The following PLIN4 variants were observed in gnomAD, a reference collection of about 807,000 sequenced individuals.
PLIN4 encodes perilipin 4.
A neutral mutation model predicts 52.4 loss-of-function variants in PLIN4; 57 were observed. That is an observed-to-expected ratio of 1.09 (90% CI 0.88 to 1.36). PLIN4 has a LOEUF of 1.36. Among genes scored for constraint, PLIN4 ranks in the 40% most tolerant of loss-of-function variants. The pLI is 0.00. For missense variants in PLIN4, 1,757 were observed against 1,770.3 expected, an observed-to-expected ratio of 0.99 and a Z score of 0.13; for synonymous variants, 826 against 785.4, an observed-to-expected ratio of 1.05 and a Z score of -0.86.
At chr19:4,508,567 T>C (rs1253661410) in intron 6 of PLIN4, among the ~76,000 whole-genome samples, 1 of 152,168 alleles carries the variant, frequency 6.6e-6, no homozygotes, top group African/African-American at 2.4e-5. Context: ...GCACCCAGCC[T>C]ACCCGCTGTC....
Position 4,510,815 on chromosome 19 carries a change from G to A in PLIN4, c.3145C>T (p.Leu1049Phe), listed in dbSNP as rs764910211. The change falls in exon 5 of 8, where the codon CTC becomes TTC. Residue 1049 changes from leucine (L) to phenylalanine (F), a missense_variant. Leu to Phe is a conservative substitution (Grantham distance 22, BLOSUM62 0). Coordinates refer to ENST00000301286, the MANE Select transcript of PLIN4 (RefSeq NM_001367868.2). ...NVATGATHTG[L>F]STFQNWLPST... ...GGTAACCAGTTCTGGAAGGTGCTGA[G>A]GCCAGTGTGGGTGGCCCCTGTCGCC... The A allele has an allele frequency of 6.2e-7, 1 of 1,610,126 alleles. No individual in the cohort carries two copies. Among genetic ancestry groups the A allele is most frequent in the Non-Finnish European group, 8.5e-7 (1 of 1,177,290 alleles).
Position 4,508,923 on chromosome 19 carries a change from C to T in PLIN4, c.3547G>A (p.Val1183Met). The change falls in exon 6 of 8, where the codon GTG (valine) becomes ATG (methionine). Residue 1183 changes from valine to methionine, a missense_variant. Coordinates refer to ENST00000301286, the MANE Select transcript of PLIN4 (RefSeq NM_001367868.2). ...TAGCTCCCCTGTTCCGCCGACAGCA[C>T]CTTTGGCCCAGGCTGGGAGGCAGCC... is the stretch of plus-strand genomic sequence containing the variant. The part of the protein sequence containing the change: ...QLAASQPGPK[V>M]LSAEQGSYFV... 6.2e-7 allele frequency: 1 copy of T among 1,612,714 alleles called. No individual in the cohort carries two copies.
Position 4,513,341 on chromosome 19 carries a change from T to C in PLIN4, c.619A>G (p.Thr207Ala). The part of the protein sequence containing the change: ...VLTGTKDTVT[T>A]GVMGAVNLAK... ...AAGTTCACTGCCCCCATGACCCCAGTAGTCACTGTGTCTTTGGTGCCGGTC... is the reference window on the plus strand; with the variant it reads ...AAGTTCACTGCCCCCATGACCCCAGCAGTCACTGTGTCTTTGGTGCCGGTC... The change falls in exon 5 of 8, where the codon ACT becomes GCT. Residue 207 changes from threonine to alanine, a missense_variant. Transcript: ENST00000301286. 1.2e-6 allele frequency: 2 copies of C among 1,613,556 alleles called. No individual in the cohort carries two copies. Among genetic ancestry groups the C allele is most frequent in the Non-Finnish European group, 1.7e-6 (2 of 1,179,832 alleles).
At position 4,512,175 on chromosome 19, in the gene PLIN4, G is replaced by A. The variant is rs201238024; in HGVS notation, c.1785C>T (p.Thr595=). 5.0e-5 allele frequency: 80 copies of A among 1,608,956 alleles called. 1 individual carries two copies. The highest frequency in any genetic ancestry group is 6.1e-5 in the Non-Finnish European group (72 of 1,178,722). Residue 595 remains threonine, a synonymous_variant, in exon 5 of 8, where the codon ACC becomes ACT. Transcript: ENST00000301286. Reference sequence around the variant, plus strand: ...CAGTAGTCACTGTGTCCTTGGTGCCGGTCAGCACGGTCTTGGCTGTGTCTA... The same window carrying A: ...CAGTAGTCACTGTGTCCTTGGTGCCAGTCAGCACGGTCTTGGCTGTGTCTA... ...TGVDTAKTVL[T]GTKDTVTTGL...
In PLIN4 at chr19:4,508,908, G is replaced by A; in HGVS notation, c.3562C>T (p.Gln1188Ter). ...QPGPKVLSAEQGSYFVRLGDL... is the reference protein window; with the variant it reads ...QPGPKVLSAE ...CCTAAACGAACGAAGTAGCTCCCCT[G>A]TTCCGCCGACAGCACCTTTGGCCCA... Residue 1188 changes from glutamine (Q) to a stop codon, truncating the protein, a stop_gained, in exon 6 of 8, where the codon CAG becomes TAG. Transcript: ENST00000301286. LOFTEE classifies it high-confidence loss of function. The A allele has an allele frequency of 6.2e-7, 1 of 1,613,024 alleles. No individual in the cohort carries two copies. The highest frequency in any genetic ancestry group is 8.5e-7 in the Non-Finnish European group (1 of 1,179,808).
At chr19:4,515,620 G>A (rs558992510) in intron 4 of PLIN4, among the ~76,000 whole-genome samples, 1 of 152,218 alleles carries the variant, frequency 6.6e-6, no homozygotes, top group East Asian at 1.9e-4. Flanking sequence ...TGCCCCCAGG[G>A]GGCACTGGGT....
Position 4,504,454 on chromosome 19 carries a change from T to TACAGCTACTGCCCGCCAGCGGGCAAG in PLIN4, c.4095_*4dup. On this transcript the variant is annotated 3_prime_UTR_variant, in exon 8 of 8. Transcript: ENST00000301286. ...ACCCCGCGCCGGGCCTGCAGGCTCC[T>TACAGCTACTGCCCGCCAGCGGGCAAG]ACAGCTACTGCCCGCCAGCGGGCAA... The TACAGCTACTGCCCGCCAGCGGGCAAG allele has an allele frequency of 6.4e-7, 1 of 1,562,052 alleles. No homozygotes were observed.
Position 4,512,196 on chromosome 19 carries a change from G to T in PLIN4, c.1764C>A (p.Asp588Glu). Reference sequence around the variant, plus strand: ...TGCCGGTCAGCACGGTCTTGGCTGTGTCTACACCTGTCTGGACAGCCCCCT... The same window carrying T: ...TGCCGGTCAGCACGGTCTTGGCTGTTTCTACACCTGTCTGGACAGCCCCCT... Reference protein sequence around the residue: ...VAKGAVQTGVDTAKTVLTGTK... With the variant: ...VAKGAVQTGVETAKTVLTGTK... Residue 588 changes from aspartate (D) to glutamate (E), a missense_variant, in exon 5 of 8, where the codon GAC (aspartate) becomes GAA (glutamate). Physicochemically the swap from Asp to Glu is conservative, Grantham distance 45 (BLOSUM62 2). This residue lies in a region of PLIN4 where 439 missense variants were observed against 406.4 expected (regional missense o/e 1.08). Coordinates refer to ENST00000301286, the MANE Select transcript of PLIN4 (RefSeq NM_001367868.2). 3 of 1,612,268 alleles carry T rather than the reference G, an allele frequency of 1.9e-6. No individual in the cohort carries two copies. The highest frequency in any genetic ancestry group is 2.5e-6 in the Non-Finnish European group (3 of 1,179,648).
chr19:4,516,705 G>C (rs377297315), intron 3 of PLIN4, 27 bp from the exon 4 acceptor site: 36 of 1,565,510 alleles, frequency 2.3e-5, no homozygotes, highest in Non-Finnish European at 2.9e-5. Context: ...CGGTCAGGGA[G>C]AGTGAGGGAT....
At chr19:4,504,975 A>G in intron 6 of PLIN4, 28 bp from the exon 7 acceptor site, 10 of 1,573,096 alleles carry the variant, frequency 6.4e-6, no homozygotes, top group Non-Finnish European at 8.6e-6. Flanking sequence ...TGGGGAAATG[A>G]TGGCTTCTTG....
rs370399018 is a variant in PLIN4 at position 4,512,526 on chromosome 19, A to G, written c.1434T>C (p.Asn478=). The change falls in exon 5 of 8, where the codon AAT becomes AAC. Residue 478 remains asparagine (N), a synonymous_variant. Coordinates refer to ENST00000301286, the MANE Select transcript of PLIN4 (RefSeq NM_001367868.2). Reference sequence around the variant, plus strand: ...CGCCCTGGACGGCCCCTTTGGCCACATTCGCAGCACCGGTGACCCCACTGC... The same window carrying G: ...CGCCCTGGACGGCCCCTTTGGCCACGTTCGCAGCACCGGTGACCCCACTGC... The part of the protein sequence containing the change: ...TVCSGVTGAA[N]VAKGAVQGGL... 20 of 1,605,458 alleles carry G rather than the reference A, an allele frequency of 1.2e-5. No homozygotes were observed. In the African/African-American group the frequency reaches 2.0e-4, roughly 16 times the overall value.
chr19:4,509,387 C>T (rs182393929), intron 5 of PLIN4, among the ~76,000 whole-genome samples: 52 of 148,978 alleles, frequency 3.5e-4, no homozygotes, highest in South Asian at 3.4e-3. Flanking sequence ...GAGGCCAAGG[C>T]GGGTGGATCA....
chr19:4,513,974 C>T (rs1330064878), intron 4 of PLIN4, among the ~76,000 whole-genome samples: 1 of 152,232 alleles, frequency 6.6e-6, no homozygotes, highest in Non-Finnish European at 1.5e-5. Flanking sequence ...CCCCCTTTCC[C>T]GGCTGCAGGC....
intron 4 of PLIN4, among the ~76,000 whole-genome samples, chr19:4,514,006 G>A (rs1397649785): frequency 2.0e-5 from 3 of 152,222 alleles, no homozygotes; most frequent in Non-Finnish European, 4.4e-5. Flanking sequence ...ATGACAGCAT[G>A]TCCTAGGCTT....
Position 4,513,600 on chromosome 19 carries a change from C to A in PLIN4, c.360G>T (p.Val120=). The part of the protein sequence containing the change: ...VASVVDVAKG[V]VQGGLDTTRS... ...GAGTGGTGTCCAGGCCTCCCTGGAC[C>A]ACTCCCTTAGCCACGTCCACCACGC... The change falls in exon 5 of 8, where the codon GTG becomes GTT. Residue 120 remains valine, a synonymous_variant. Coordinates refer to ENST00000301286, the MANE Select transcript of PLIN4 (RefSeq NM_001367868.2). 6.2e-7 allele frequency: 1 copy of A among 1,606,374 alleles called. No individual in the cohort carries two copies. The highest frequency in any genetic ancestry group is 8.5e-7 in the Non-Finnish European group (1 of 1,176,890).
intron 2 of PLIN4, 137 bp from the exon 3 acceptor site, chr19:4,517,835 C>G: frequency 8.5e-7 from 1 of 1,180,404 alleles, no homozygotes; most frequent in Non-Finnish European, 1.2e-6. Flanking sequence ...GTTTCAGCCA[C>G]TCAGCCTCAA....
In PLIN4 at chr19:4,504,844, C is replaced by T. The variant is rs765406043; in HGVS notation, c.3789+17G>A. 12 of 1,603,888 alleles carry T rather than the reference C, an allele frequency of 7.5e-6. No homozygotes were observed. Among genetic ancestry groups the T allele is most frequent in the Admixed American group, 1.7e-5 (1 of 58,708 alleles). On this transcript the variant is annotated intron_variant, in intron 7 of 7. Transcript: ENST00000301286. ...CATGGGCGGGGTGGGGGGACCCTAGCCCTGTGCCAGACCCACCTCCTGGAC... is the reference window on the plus strand; with the variant it reads ...CATGGGCGGGGTGGGGGGACCCTAGTCCTGTGCCAGACCCACCTCCTGGAC...
chr19:4,516,334 T>C (rs1196777878), intron 4 of PLIN4, among the ~76,000 whole-genome samples: 2 of 152,224 alleles, frequency 1.3e-5, no homozygotes, highest in African/African-American at 4.8e-5. Context: ...TTTGGTCTCA[T>C]CTTGCCAGGC....
rs369378074 is a variant in PLIN4 at position 4,504,452 on chromosome 19, C to T, written c.*7G>A. On this transcript the variant is annotated 3_prime_UTR_variant, in exon 8 of 8. Coordinates refer to ENST00000301286, the MANE Select transcript of PLIN4 (RefSeq NM_001367868.2). ...CGACCCCGCGCCGGGCCTGCAGGCTCCTACAGCTACTGCCCGCCAGCGGGC... is the reference window on the plus strand; with the variant it reads ...CGACCCCGCGCCGGGCCTGCAGGCTTCTACAGCTACTGCCCGCCAGCGGGC... 3 of 1,559,822 alleles carry T rather than the reference C, an allele frequency of 1.9e-6. No homozygotes were observed. Among genetic ancestry groups the T allele is most frequent in the East Asian group, 2.3e-5 (1 of 43,180 alleles).
Sources: gnomAD v4.1 joint callset for allele counts (sites outside exome capture counted in the v4.1 genomes callset) on GRCh38, gnomAD v4.1.1 for gene constraint, gnomAD v4.1.1 regional missense constraint, MANE v1.5 for transcripts, NCBI Gene and HGNC (gene_info 2026-07-23, HGNC 2026-07-21) for gene names.